CDH13: variants seen among roughly 807,000 people sequenced by gnomAD.
The protein encoded by CDH13 is cadherin 13.
Under a neutral mutation model 63.8 loss-of-function variants are expected in CDH13, and 24 were observed. That is an observed-to-expected ratio of 0.38 (90% confidence interval 0.27 to 0.53). The LOEUF (loss-of-function observed/expected upper bound fraction) is 0.53, where lower values mean the gene tolerates loss of function less well. CDH13 is among the 20% of genes least tolerant of loss of function. CDH13 has a pLI of 0.85. For synonymous variants in CDH13, 503 were observed against 355.3 expected (o/e 1.42, Z -4.67); for missense variants, 1,049 against 903.1 (o/e 1.16, Z -2.07).
chr16:83,223,424 C>T (rs1455630161), intron 5 of CDH13, among the ~76,000 whole-genome samples: 11 of 152,250 alleles, frequency 7.2e-5, no homozygotes. Flanking sequence ...AAGGGCCCCA[C>T]CTCCCAGCAC....
At chr16:83,767,017 C>T (rs1206253145) in intron 11 of CDH13, among the ~76,000 whole-genome samples, 1 of 152,188 alleles carries the variant, frequency 6.6e-6, no homozygotes, top group Non-Finnish European at 1.5e-5. Flanking sequence ...AATTAAACCC[C>T]TTTCCCTTAT....
At chr16:82,827,167 A>C (rs1038188263) in intron 1 of CDH13, among the ~76,000 whole-genome samples, 64 of 152,162 alleles carry the variant, frequency 4.2e-4, no homozygotes, top group African/African-American at 1.5e-3. Context: ...AATATAGTAA[A>C]ATGTAGTTGT....
At chr16:83,216,579 A>G (rs1284830702) in intron 4 of CDH13, among the ~76,000 whole-genome samples, 2 of 143,172 alleles carry the variant, frequency 1.4e-5, no homozygotes, top group African/African-American at 2.5e-5. Flanking sequence ...AGGGTTTAAT[A>G]TATATATTAA....
chr16:83,385,036 C>T (rs1252543592), intron 6 of CDH13, among the ~76,000 whole-genome samples: 1 of 152,218 alleles, frequency 6.6e-6, no homozygotes, highest in African/African-American at 2.4e-5. Flanking sequence ...GCTCCCAGCA[C>T]AGGTGGCCCC....
intron 5 of CDH13, among the ~76,000 whole-genome samples, chr16:83,296,325 G>C (rs2089595648): frequency 6.6e-6 from 1 of 152,124 alleles, no homozygotes; most frequent in Admixed American, 6.5e-5. Flanking sequence ...TCCCACTCTA[G>C]GTCAGTCAGT....
intron 6 of CDH13, among the ~76,000 whole-genome samples, chr16:83,476,462 CGGG>C (rs2073607873): frequency 6.6e-6 from 1 of 152,170 alleles, no homozygotes; most frequent in African/African-American, 2.4e-5. Context: ...CACTCGAGGT[CGGG>C]AGTTTGAGAC....
intron 5 of CDH13, among the ~76,000 whole-genome samples, chr16:83,264,844 C>T (rs1381931791): frequency 6.6e-6 from 1 of 151,898 alleles, no homozygotes; most frequent in Non-Finnish European, 1.5e-5. Context: ...TTTATTTCTC[C>T]TATTAAAACT....
At chr16:83,353,316 C>T (rs1055693629) in intron 6 of CDH13, among the ~76,000 whole-genome samples, 6 of 152,238 alleles carry the variant, frequency 3.9e-5, no homozygotes, top group East Asian at 1.9e-4. Flanking sequence ...CCAAGACAGT[C>T]GGCTCCCTTG....
intron 2 of CDH13, among the ~76,000 whole-genome samples, chr16:82,941,726 C>T (rs1389595132): frequency 6.6e-6 from 1 of 152,104 alleles, no homozygotes; most frequent in Non-Finnish European, 1.5e-5. Flanking sequence ...TTTTCTTTTT[C>T]CATCCCTGTT....
chr16:83,145,840 G>C (rs559706833), intron 4 of CDH13, among the ~76,000 whole-genome samples: 1 of 152,296 alleles, frequency 6.6e-6, no homozygotes, highest in East Asian at 1.9e-4. Flanking sequence ...CCTTTAGGTA[G>C]AATGATCAGA....
intron 1 of CDH13, among the ~76,000 whole-genome samples, chr16:82,723,594 T>C (rs1403177106): frequency 1.3e-5 from 2 of 152,094 alleles, no homozygotes; most frequent in Non-Finnish European, 2.9e-5. Flanking sequence ...AGCCACAAGA[T>C]GGAAAGAGGA....
At chr16:83,691,841 C>T (rs1291798993) in intron 10 of CDH13, among the ~76,000 whole-genome samples, 6 of 152,136 alleles carry the variant, frequency 3.9e-5, no homozygotes, top group Admixed American at 2.6e-4. Context: ...TATAGCTACA[C>T]CAAATTGCTC....
chr16:83,594,063 A>T (rs1378630659), intron 7 of CDH13, among the ~76,000 whole-genome samples: 2 of 152,222 alleles, frequency 1.3e-5, no homozygotes. Context: ...CAATGTGTTC[A>T]GAATCTGCTG....
chr16:83,236,316 C>A (rs1173293528), intron 5 of CDH13, among the ~76,000 whole-genome samples: 1 of 151,744 alleles, frequency 6.6e-6, no homozygotes, highest in Admixed American at 6.6e-5. Flanking sequence ...ACTACAATTG[C>A]TTCCTTAAAA....
chr16:83,624,003 A>G (rs1450304149), intron 8 of CDH13, among the ~76,000 whole-genome samples: 1 of 152,158 alleles, frequency 6.6e-6, no homozygotes, highest in East Asian at 1.9e-4. Flanking sequence ...CCTGGAAGGC[A>G]TTGGTACTCA....
chr16:83,307,565 T>C (rs1375865108), intron 5 of CDH13, among the ~76,000 whole-genome samples: 2 of 152,228 alleles, frequency 1.3e-5, no homozygotes, highest in Non-Finnish European at 2.9e-5. Context: ...AAAGCTCTAT[T>C]TAACCATGAA....
chr16:83,657,405 A>T (rs72795385), intron 8 of CDH13, among the ~76,000 whole-genome samples: 14,744 of 152,210 alleles, frequency 0.097, 818 homozygotes, highest in East Asian at 0.23. Flanking sequence ...CCCTTGGGAT[A>T]GCTTCTAGGT....
At chr16:83,634,117 C>T (rs12597090) in intron 8 of CDH13, among the ~76,000 whole-genome samples, 16 of 77,010 alleles carry the variant, frequency 2.1e-4, no homozygotes, top group Admixed American at 1.3e-3. Flanking sequence ...TGTGTGTTTT[C>T]TGTGTGTGTG....
At chr16:83,345,073 T>G in intron 6 of CDH13, 67 bp downstream of exon 6, 1 of 1,557,394 alleles carries the variant, frequency 6.4e-7, no homozygotes, top group Non-Finnish European at 8.8e-7. Context: ...CTTTGTGGAT[T>G]CTAGGGACTG....
Sources: allele counts gnomAD v4.1 joint callset (sites outside exome capture counted in the v4.1 genomes callset), GRCh38; gene constraint gnomAD v4.1.1; transcripts MANE v1.5; gene names NCBI Gene and HGNC (gene_info 2026-07-23, HGNC 2026-07-21).